UACA: variants seen among roughly 807,000 people sequenced by gnomAD.
UACA encodes nuclear membrane binding protein.
UACA carries 112 observed loss-of-function variants against 160.5 expected under a neutral mutation model. That is an observed-to-expected ratio of 0.70 (90% CI 0.60 to 0.82). The LOEUF (loss-of-function observed/expected upper bound fraction) is 0.82, where lower values mean the gene tolerates loss of function less well. Among genes scored for constraint, UACA ranks in the 40% least tolerant of loss-of-function variants. The probability of loss-of-function intolerance (pLI) is 0.00; values close to 1 mark genes in which losing one functional copy is unlikely to be tolerated. For missense variants in UACA, 1,574 were observed against 1,614.6 expected (o/e 0.97, Z 0.43); for synonymous variants, 557 against 568.4 (o/e 0.98, Z 0.29).
chr15:70,735,760 C>T lies in UACA; in HGVS notation c.78+27570G>A, dbSNP rs1355268133. ...GTGCAATCATGACTCTCTGCAGCCT[C>T]GACCTCCCAGGCTCAAGTGATCCTC... On this transcript the variant is annotated intron_variant, in intron 1 of 18. Transcript: ENST00000322954. Among the ~76,000 whole-genome samples, 8 of 152,298 alleles carry T rather than the reference C, an allele frequency of 5.3e-5. No homozygotes were observed. In the South Asian group the frequency reaches 6.2e-4, roughly 12 times the overall value.
chr15:70,695,079 T>G lies in UACA; in HGVS notation c.239A>C (p.Asn80Thr). The change falls in exon 3 of 19, where the codon AAT becomes ACT. Residue 80 changes from asparagine to threonine, a missense_variant. Transcript: ENST00000322954. ...AAGGATGGCATTCAAACACTCAAGA[T>G]TCCCCTTTGAGGTCACAACATGGAA... ...SVFHVVTSKG[N>T]LECLNAILIH... is the part of the protein sequence containing the mutation. The G allele has an allele frequency of 1.2e-6, 2 of 1,609,418 alleles. No homozygotes were observed. The highest frequency in any genetic ancestry group is 1.7e-6 in the Non-Finnish European group (2 of 1,177,610).
chr15:70,706,116 C>G (rs1321429935), intron 1 of UACA, among the ~76,000 whole-genome samples: 11 of 152,004 alleles, frequency 7.2e-5, no homozygotes, highest in African/African-American at 2.7e-4. Flanking sequence ...AATGCAAGGA[C>G]GTTTCAATAT....
intron 13 of UACA, among the ~76,000 whole-genome samples, chr15:70,675,700 G>A (rs577874914): frequency 6.6e-6 from 1 of 152,278 alleles, no homozygotes; most frequent in South Asian, 2.1e-4. Flanking sequence ...TTTTCATAAT[G>A]CACACATAGT....
At chr15:70,680,236 C>G (rs927792083) in intron 9 of UACA, among the ~76,000 whole-genome samples, 2 of 152,190 alleles carry the variant, frequency 1.3e-5, no homozygotes, top group Admixed American at 1.3e-4. Flanking sequence ...TTGTAACTTA[C>G]TGCTTTGAAA....
rs554320100 is a variant in UACA at position 70,696,531 on chromosome 15, T to C, written c.213-1426A>G. On this transcript the variant is annotated intron_variant, in intron 2 of 18. Coordinates refer to ENST00000322954, the MANE Select transcript of UACA (RefSeq NM_018003.4). The stretch of plus-strand genomic sequence containing the variant: ...CTATTAGTATTACGATGGATATAAA[T>C]GCAAACTATAGACAAAGCACCACCA... Among the ~76,000 whole-genome samples the C allele has an allele frequency of 1.8e-4, 27 of 152,308 alleles. 2 individuals carry two copies. The South Asian group carries it at 5.4e-3, about 30-fold the overall frequency.
At chr15:70,703,368 T>C in intron 1 of UACA, 1 of 952,612 alleles carries the variant, frequency 1.0e-6, no homozygotes, top group Non-Finnish European at 1.4e-6. Context: ...TTCTGCTATG[T>C]ACTTCCACAA....
intron 1 of UACA, among the ~76,000 whole-genome samples, chr15:70,723,435 A>G (rs1899051578): frequency 6.6e-6 from 1 of 152,192 alleles, no homozygotes; most frequent in South Asian, 2.1e-4. Context: ...AATGACGTCT[A>G]AGATCCTCCA....
At chr15:70,683,788 C>A (rs573057830) in intron 8 of UACA, among the ~76,000 whole-genome samples, 1 of 151,712 alleles carries the variant, frequency 6.6e-6, no homozygotes, top group Non-Finnish European at 1.5e-5. Flanking sequence ...AGAGGCTTCT[C>A]AGTGGTAATG....
chr15:70,689,223 A>G (rs979149809), intron 5 of UACA, among the ~76,000 whole-genome samples: 1 of 152,182 alleles, frequency 6.6e-6, no homozygotes, highest in African/African-American at 2.4e-5. Context: ...GAAAGAATTC[A>G]GTTTTAAAAT....
At position 70,693,865 on chromosome 15, in the gene UACA, T is replaced by C. The variant is rs60972456; in HGVS notation, c.301+1152A>G. On this transcript the variant is annotated intron_variant, in intron 3 of 18. Coordinates refer to ENST00000322954, the MANE Select transcript of UACA (RefSeq NM_018003.4). ...AAAAATAAATATTCTTCTACATCAA[T>C]GGAAAGCATATATAAGCAATAAACA... Among the ~76,000 whole-genome samples the C allele has an allele frequency of 9.1e-3, 1,389 of 152,292 alleles. 27 individuals are homozygous for C. Among genetic ancestry groups the C allele is most frequent in the African/African-American group, 0.032 (1,334 of 41,550 alleles).
chr15:70,686,199 A>T (rs1223978835), intron 7 of UACA, among the ~76,000 whole-genome samples: 1 of 151,540 alleles, frequency 6.6e-6, no homozygotes, highest in Non-Finnish European at 1.5e-5. Context: ...ATGGCCCATG[A>T]CACAGCCTCA....
At chr15:70,728,589 A>C (rs1398807467) in intron 1 of UACA, among the ~76,000 whole-genome samples, 1 of 150,926 alleles carries the variant, frequency 6.6e-6, no homozygotes, top group African/African-American at 2.4e-5. Flanking sequence ...AAAAAAAAAC[A>C]TAGAAAAAAA....
upstream of UACA, among the ~76,000 whole-genome samples, chr15:70,763,779 G>A (rs764560194): frequency 1.3e-5 from 2 of 152,246 alleles, no homozygotes; most frequent in Non-Finnish European, 2.9e-5. Flanking sequence ...CGCAGGCCGG[G>A]CTCCAGGCCA....
intron 1 of UACA, among the ~76,000 whole-genome samples, chr15:70,757,404 ACT>A (rs1468883063): frequency 6.6e-6 from 1 of 152,092 alleles, no homozygotes; most frequent in Non-Finnish European, 1.5e-5. Context: ...ATGTCTATAG[ACT>A]CTAGATTCAT....
rs1896437227 is a variant in UACA, at chr15:70,654,766, C to G, written c.*2290G>C. 6.6e-6 allele frequency: 1 copy of G among 152,222 alleles called. No individual in the cohort carries two copies. The highest frequency in any genetic ancestry group is 6.5e-5 in the Admixed American group (1 of 15,282). The allele number at this position is 152,222 out of a possible 1,614,324, so 9.4% of individuals were successfully genotyped here. On this transcript the variant is annotated 3_prime_UTR_variant, in exon 19 of 19. Coordinates refer to ENST00000322954, the MANE Select transcript of UACA (RefSeq NM_018003.4). ...TCATTACATCTTAGACAACGTCACT[C>G]TTCTTTCCTCTTGGCCATATGTTCA...
At chr15:70,722,321 C>CTT (rs66463519) in intron 1 of UACA, among the ~76,000 whole-genome samples, 3 of 144,226 alleles carry the variant, frequency 2.1e-5, no homozygotes, top group Non-Finnish European at 4.6e-5. Context: ...AGCAAAATCA[C>CTT]TTTTTTTTTT....
chr15:70,661,880 T>C (rs544124365), intron 17 of UACA, among the ~76,000 whole-genome samples: 120 of 152,288 alleles, frequency 7.9e-4, no homozygotes, highest in African/African-American at 2.7e-3. Flanking sequence ...AAGAGCTATC[T>C]ATGACAAACC....
chr15:70,739,549 T>C (rs1899466605), intron 1 of UACA, among the ~76,000 whole-genome samples: 1 of 152,204 alleles, frequency 6.6e-6, no homozygotes, highest in South Asian at 2.1e-4. Flanking sequence ...TAAAAGGCTG[T>C]TAAAATGATT....
chr15:70,744,117 C>A (rs944967447), intron 1 of UACA, among the ~76,000 whole-genome samples: 1 of 151,436 alleles, frequency 6.6e-6, no homozygotes, highest in African/African-American at 2.4e-5. Context: ...TAGTGGCGGG[C>A]GCCTGTAGTC....
Sources: gnomAD v4.1 joint callset for allele counts (sites outside exome capture counted in the v4.1 genomes callset) on GRCh38, gnomAD v4.1.1 for gene constraint, MANE v1.5 for transcripts, NCBI Gene and HGNC (gene_info 2026-07-23, HGNC 2026-07-21) for gene names.